YWHAE: variants seen among roughly 807,000 people sequenced by gnomAD.
YWHAE encodes tyrosine 3-monooxygenase/tryptophan 5-monooxygenase activation protein epsilon, also known as 14-3-3 protein epsilon.
In YWHAE, 4 loss-of-function variants were observed where a neutral mutation model predicts 30.1. That is an observed-to-expected ratio of 0.13 (90% CI 0.07 to 0.30). YWHAE has a LOEUF of 0.30. Among genes scored for constraint, YWHAE ranks in the 10% least tolerant of loss-of-function variants. YWHAE has a pLI of 1.00. For synonymous variants in YWHAE, 118 were observed against 111.8 expected (o/e 1.06, Z -0.35); for missense variants, 121 against 315.9 (o/e 0.38, Z 4.68).
At chr17:1,367,872 C>G (rs1173230565) in intron 1 of YWHAE, among the ~76,000 whole-genome samples, 1 of 152,138 alleles carries the variant, frequency 6.6e-6, no homozygotes, top group Non-Finnish European at 1.5e-5. Context: ...GTGCAAAGGA[C>G]AGGTCACAGA....
rs1196829747 is a variant in YWHAE, at chr17:1,394,450, A to AC, written c.64+5596_64+5597insG. The stretch of plus-strand genomic sequence containing the variant: ...CCTCAAATCCACAAAAAAAAAAAAA[A>AC]AAAAAAAAAAACACAAAAATTAGGC... On this transcript the variant is annotated intron_variant, in intron 1 of 5. Coordinates refer to ENST00000264335, the MANE Select transcript of YWHAE (RefSeq NM_006761.5). Among the ~76,000 whole-genome samples the AC allele has an allele frequency of 3.3e-5, 5 of 149,438 alleles. No individual in the cohort carries two copies. The East Asian group carries it at 7.7e-4, about 23-fold the overall frequency.
chr17:1,390,987 G>C (rs542779371), intron 1 of YWHAE, among the ~76,000 whole-genome samples: 1 of 152,258 alleles, frequency 6.6e-6, no homozygotes, highest in Non-Finnish European at 1.5e-5. Flanking sequence ...TGGGTATTTG[G>C]TATGAAAGAC....
chr17:1,365,086 T>C, intron 1 of YWHAE, 28 bp from the exon 2 acceptor site: 1 of 1,598,520 alleles, frequency 6.3e-7, no homozygotes, highest in Non-Finnish European at 8.5e-7. Flanking sequence ...AAGTCAGACC[T>C]TACAAATTTG....
At chr17:1,355,175 G>T (rs976863663) in intron 4 of YWHAE, among the ~76,000 whole-genome samples, 1 of 93,106 alleles carries the variant, frequency 1.1e-5, no homozygotes, top group Non-Finnish European at 2.3e-5. Flanking sequence ...TTTTTTTTGG[G>T]GGACGGGGTC....
At chr17:1,364,798 G>A in intron 2 of YWHAE, 61 bp downstream of exon 2, 1 of 1,584,710 alleles carries the variant, frequency 6.3e-7, no homozygotes, top group Non-Finnish European at 8.7e-7. Flanking sequence ...AATCTTAAGT[G>A]TACCGTCCTA....
chr17:1,396,074 G>A (rs749642489), intron 1 of YWHAE, among the ~76,000 whole-genome samples: 2 of 152,008 alleles, frequency 1.3e-5, no homozygotes, highest in East Asian at 3.9e-4. Context: ...AGCCGAGATC[G>A]CGCTATTGCA....
chr17:1,378,517 T>G (rs963202548), intron 1 of YWHAE, among the ~76,000 whole-genome samples: 3 of 152,236 alleles, frequency 2.0e-5, no homozygotes, highest in African/African-American at 7.2e-5. Context: ...AAATTTTTTC[T>G]AAAACGATTA....
At chr17:1,377,323 C>A (rs573964654) in intron 1 of YWHAE, among the ~76,000 whole-genome samples, 1 of 152,176 alleles carries the variant, frequency 6.6e-6, no homozygotes, top group Non-Finnish European at 1.5e-5. Context: ...AGAGTCTGAG[C>A]TTTTAGCCAT....
In YWHAE at chr17:1,344,816, A is replaced by C. The variant is rs1322470488; in HGVS notation, c.*631T>G. 8.6e-6 allele frequency: 2 copies of C among 232,896 alleles called. No homozygotes were observed. The highest frequency in any genetic ancestry group is 1.7e-5 in the Non-Finnish European group (2 of 117,640). The allele number at this position is 232,896 out of a possible 1,614,324, so 14.4% of individuals were successfully genotyped here. A position where few individuals can be genotyped will look rare whatever the true frequency, so the allele number is the denominator to read the frequency against. On this transcript the variant is annotated 3_prime_UTR_variant, in exon 6 of 6. Transcript: ENST00000264335. ...ACCACCTTCAACGCTAACCTGCTTC[A>C]GTGGGAGAGTAAAGTAGGCAAGAAT...
chr17:1,365,734 T>G (rs1425816301), intron 1 of YWHAE, among the ~76,000 whole-genome samples: 3 of 152,142 alleles, frequency 2.0e-5, no homozygotes, highest in African/African-American at 7.2e-5. Flanking sequence ...ATAAATACAT[T>G]AATAAAAACT....
intron 2 of YWHAE, among the ~76,000 whole-genome samples, chr17:1,362,414 A>G (rs1028378577): frequency 6.6e-6 from 1 of 152,176 alleles, no homozygotes; most frequent in African/African-American, 2.4e-5. Flanking sequence ...CAACAATTAA[A>G]TAAGAATTTA....
At chr17:1,384,497 C>G (rs966217861) in intron 1 of YWHAE, among the ~76,000 whole-genome samples, 1 of 150,112 alleles carries the variant, frequency 6.7e-6, no homozygotes, top group African/African-American at 2.5e-5. Flanking sequence ...CAAGACCATC[C>G]TGGCTAACAC....
chr17:1,355,965 G>A (rs1270269066), intron 4 of YWHAE, among the ~76,000 whole-genome samples: 2 of 151,998 alleles, frequency 1.3e-5, no homozygotes, highest in Non-Finnish European at 2.9e-5. Flanking sequence ...TTAGGAGATC[G>A]AGACCATCCT....
intron 4 of YWHAE, among the ~76,000 whole-genome samples, chr17:1,359,503 G>T (rs1034816585): frequency 2.0e-5 from 3 of 152,132 alleles, no homozygotes; most frequent in Non-Finnish European, 4.4e-5. Flanking sequence ...AAAATGAATT[G>T]TGTAAATTCA....
At chr17:1,380,388 C>T (rs916133328) in intron 1 of YWHAE, among the ~76,000 whole-genome samples, 1 of 151,940 alleles carries the variant, frequency 6.6e-6, no homozygotes, top group Non-Finnish European at 1.5e-5. Flanking sequence ...CGTGAGCCAC[C>T]GCGCCCAGCC....
chr17:1,393,917 CT>C (rs2073425559), intron 1 of YWHAE, among the ~76,000 whole-genome samples: 1 of 152,104 alleles, frequency 6.6e-6, no homozygotes, highest in Non-Finnish European at 1.5e-5. Flanking sequence ...CATCAGGTTT[CT>C]TTAGGAAAGT....
At chr17:1,359,136 A>G (rs1318344165) in intron 4 of YWHAE, among the ~76,000 whole-genome samples, 1 of 151,554 alleles carries the variant, frequency 6.6e-6, no homozygotes, top group Non-Finnish European at 1.5e-5. Context: ...GCTCTCCCTC[A>G]AAAAAAAGAA....
Position 1,400,168 on chromosome 17 carries a change from C to A in YWHAE, c.-58G>T. ...GGATGGAAGCGGATAGTGTCTCCGA[C>A]TCTCTCAGCCTCTCGCTCCGCGTCC... is the stretch of plus-strand genomic sequence containing the variant. On this transcript the variant is annotated 5_prime_UTR_variant, in exon 1 of 6. Coordinates refer to ENST00000264335, the MANE Select transcript of YWHAE (RefSeq NM_006761.5). 6.3e-7 allele frequency: 1 copy of A among 1,593,264 alleles called. No homozygotes were observed. The highest frequency in any genetic ancestry group is 8.6e-7 in the Non-Finnish European group (1 of 1,162,042).
chr17:1,377,832 T>G (rs2073147173), intron 1 of YWHAE, among the ~76,000 whole-genome samples: 1 of 152,208 alleles, frequency 6.6e-6, no homozygotes, highest in African/African-American at 2.4e-5. Context: ...GTGGATCACC[T>G]GAGGTCAGGA....
Sources: allele counts gnomAD v4.1 joint callset (sites outside exome capture counted in the v4.1 genomes callset), GRCh38; gene constraint gnomAD v4.1.1; transcripts MANE v1.5; gene names NCBI Gene and HGNC (gene_info 2026-07-23, HGNC 2026-07-21).